The following CZIB variants were observed in gnomAD, a reference collection of about 807,000 sequenced individuals.
CZIB encodes the protein UPF0587 protein C1orf123.
Under a neutral mutation model 28.3 loss-of-function variants are expected in CZIB, and 26 were observed. The ratio of observed to expected loss-of-function variants is 0.92; its 90% CI spans 0.67 to 1.27. The LOEUF (loss-of-function observed/expected upper bound fraction) is 1.27, where lower values mean the gene tolerates loss of function less well. Ranked by LOEUF, CZIB falls within the 50% of genes most tolerant of loss-of-function variation. The pLI, the probability that CZIB is intolerant of heterozygous loss-of-function variation, is 0.00. For synonymous variants in CZIB, 78 were observed against 71.1 expected (o/e 1.10, Z -0.49); for missense variants, 179 against 197.3 (o/e 0.91, Z 0.56).
At position 53,216,060 on chromosome 1, in the gene CZIB, C is replaced by A. The variant is rs376884421; in HGVS notation, c.340-4G>T. The A allele has an allele frequency of 1.3e-4, 202 of 1,613,918 alleles. No homozygotes were observed. The highest frequency in any genetic ancestry group is 1.6e-4 in the Non-Finnish European group (184 of 1,179,928). On this transcript the variant is annotated splice_region_variant and splice_polypyrimidine_tract_variant and intron_variant, in intron 6 of 7. Coordinates refer to ENST00000294360, the MANE Select transcript of CZIB (RefSeq NM_017887.3). ...CACCTTCAGCAGCAAACCCAGCCTG[C>A]AGGGCACAAGAAGGTACCAGTTAGT...
rs565115395 is a variant in CZIB, at chr1:53,216,380, A to C, written c.340-324T>G. Among the ~76,000 whole-genome samples, 6 of 152,300 alleles carry C rather than the reference A, an allele frequency of 3.9e-5. No homozygotes were observed. In the East Asian group the frequency reaches 1.2e-3, roughly 29 times the overall value. ...TTAGTTATTGATAAAACGGGGATGA[A>C]GTATTTGCTCTTCTGCCTACCTCAC... On this transcript the variant is annotated intron_variant, in intron 6 of 7. Coordinates refer to ENST00000294360, the MANE Select transcript of CZIB (RefSeq NM_017887.3).
At chr1:53,216,434 A>C (rs17369394) in intron 6 of CZIB, among the ~76,000 whole-genome samples, 38,873 of 152,074 alleles carry the variant, frequency 0.26, 6,069 homozygotes, top group East Asian at 0.47. Flanking sequence ...AACATGCACA[A>C]ATAAAGGGGG....
At position 53,220,301 on chromosome 1, in the gene CZIB, T is replaced by C; in HGVS notation, c.50A>G (p.Asn17Ser). 1 of 1,613,252 alleles carries C rather than the reference T, an allele frequency of 6.2e-7. No homozygotes were observed. Among genetic ancestry groups the C allele is most frequent in the South Asian group, 1.1e-5 (1 of 91,060 alleles). The change falls in exon 2 of 8, where the codon AAC (asparagine) becomes AGC (serine). Residue 17 changes from asparagine to serine, a missense_variant. Transcript: ENST00000294360. Reference sequence around the variant, plus strand: ...GAAGTCCTCGCCCACGGGCCGGAGGTTGGTGATGTTCTCCAGCGTGGCTTT... The same window carrying C: ...GAAGTCCTCGCCCACGGGCCGGAGGCTGGTGATGTTCTCCAGCGTGGCTTT... ...QLKATLENIT[N>S]LRPVGEDFRW...
At chr1:53,215,291 C>T (rs1012452336) in intron 7 of CZIB, among the ~76,000 whole-genome samples, 3 of 152,104 alleles carry the variant, frequency 2.0e-5, no homozygotes, top group Non-Finnish European at 2.9e-5. Context: ...AGTGAGCTGA[C>T]ATTGCACCAC....
rs776233308 is a variant in CZIB at position 53,218,821 on chromosome 1, TGTGTTTGTGA to T, written c.147+36_147+45del. ...CCAAATCCCTGCCCAGAAGTGTATGTGTGTTTGTGAGTGTTTATGTTGGGGGTTGGGCGGG... is the reference window on the plus strand; with the variant it reads ...CCAAATCCCTGCCCAGAAGTGTATGTGTGTTTATGTTGGGGGTTGGGCGGG... On this transcript the variant is annotated intron_variant, in intron 3 of 7. Transcript: ENST00000294360. 4.0e-6 allele frequency: 6 copies of T among 1,513,840 alleles called. No individual in the cohort carries two copies. The South Asian group carries it at 6.8e-5, about 17-fold the overall frequency. The allele number at this position is 1,513,840 out of a possible 1,614,324, so 93.8% of individuals were successfully genotyped here.
chr1:53,218,268 C>T (rs1645486881), intron 4 of CZIB, 65 bp from the exon 5 acceptor site: 1 of 1,595,552 alleles, frequency 6.3e-7, no homozygotes, highest in Admixed American at 1.7e-5. Flanking sequence ...CAGGTGCCCA[C>T]ATGTGGCCCT....
Position 53,214,712 on chromosome 1 carries a change from C to A in CZIB, c.430G>T (p.Ala144Ser). The A allele has an allele frequency of 1.2e-6, 2 of 1,614,034 alleles. No homozygotes were observed. The change falls in exon 8 of 8, where the codon GCC becomes TCC. Residue 144 changes from alanine (A) to serine (S), a missense_variant. Coordinates refer to ENST00000294360, the MANE Select transcript of CZIB (RefSeq NM_017887.3). ...EKDWTDYDEK[A>S]QESVGIYEVT... ...TCATAGATTCCCACAGACTCCTGGG[C>A]CTTTTCATCATAGTCAGTCCAGTCC...
chr1:53,220,347 G>T lies in CZIB; in HGVS notation c.7-3C>A, dbSNP rs1437277945. ...GCTTTGAGTTGCAGCGCGATTTTCT[G>T]AGGGGGAGGGCCAGAGCGACTGCGT... On this transcript the variant is annotated splice_region_variant and splice_polypyrimidine_tract_variant and intron_variant, in intron 1 of 7. Coordinates refer to ENST00000294360, the MANE Select transcript of CZIB (RefSeq NM_017887.3). 1.2e-6 allele frequency: 2 copies of T among 1,612,090 alleles called. No homozygotes were observed. The highest frequency in any genetic ancestry group is 3.3e-5 in the Admixed American group (2 of 60,002).
chr1:53,220,593 G>A lies in CZIB; in HGVS notation c.-18C>T, dbSNP rs201250319. ...ACCCCCATGGTAGCCCTCTCCGCCC[G>A]GTGCTGGCTGCGGCCCTTGCCGTTG... is the stretch of plus-strand genomic sequence containing the variant. On this transcript the variant is annotated 5_prime_UTR_variant, in exon 1 of 8. Coordinates refer to ENST00000294360, the MANE Select transcript of CZIB (RefSeq NM_017887.3). 1.9e-4 allele frequency: 305 copies of A among 1,596,482 alleles called. No individual in the cohort carries two copies. The African/African-American group carries it at 3.8e-3, about 20-fold the overall frequency.
chr1:53,220,026 C>A, intron 2 of CZIB: 1 of 515,612 alleles, frequency 1.9e-6, no homozygotes, highest in Non-Finnish European at 3.4e-6. Context: ...TGTCCATTTA[C>A]AGACCACGAA....
chr1:53,217,176 T>C, intron 5 of CZIB: 1 of 277,534 alleles, frequency 3.6e-6, no homozygotes. Context: ...AGGAAACCTC[T>C]ACAATTTTAC....
At chr1:53,220,175 T>C in intron 2 of CZIB, 86 bp downstream of exon 2, 1 of 1,217,714 alleles carries the variant, frequency 8.2e-7, no homozygotes. Context: ...TGGTTAAATA[T>C]TTTCTCATAC....
chr1:53,219,147 G>A, intron 2 of CZIB: 1 of 552,314 alleles, frequency 1.8e-6, no homozygotes, highest in South Asian at 2.2e-5. Context: ...CCTCTATGAA[G>A]TGCTCAGTGT....
chr1:53,215,852 G>A (rs1160935935), intron 7 of CZIB, 139 bp downstream of exon 7: 4 of 791,316 alleles, frequency 5.1e-6, no homozygotes, highest in Non-Finnish European at 8.7e-6. Flanking sequence ...CACTATACCT[G>A]TGGCCATTTC....
At chr1:53,220,508 G>A (rs1296138880) in intron 1 of CZIB, 62 bp downstream of exon 1, 29 of 1,599,448 alleles carry the variant, frequency 1.8e-5, no homozygotes, top group Admixed American at 3.3e-5. Flanking sequence ...GGCGCGAGCT[G>A]TTGCCTCCCA....
intron 7 of CZIB, among the ~76,000 whole-genome samples, chr1:53,215,318 C>T (rs1456014145): frequency 3.3e-5 from 5 of 152,074 alleles, no homozygotes; most frequent in Non-Finnish European, 5.9e-5. Context: ...CCAGCCTGGG[C>T]GACAGAGTGA....
chr1:53,220,447 CCTT>C lies in CZIB; in HGVS notation c.7-106_7-104del, dbSNP rs549996186. 1,440 of 1,567,374 alleles carry C rather than the reference CCTT, an allele frequency of 9.2e-4. 10 individuals carry two copies. In the African/African-American group the frequency reaches 0.012, roughly 13 times the overall value. On this transcript the variant is annotated intron_variant, in intron 1 of 7. Coordinates refer to ENST00000294360, the MANE Select transcript of CZIB (RefSeq NM_017887.3). ...GCCGTGGGTGCCACAGGGAGACACT[CCTT>C]CTGCCTCCTGCTCCTTCAGCGCGCA...
intron 2 of CZIB, chr1:53,220,051 G>A (rs964631528): frequency 2.0e-5 from 11 of 556,038 alleles, no homozygotes; most frequent in Non-Finnish European, 3.2e-5. Flanking sequence ...TTAACACAGG[G>A]AAGAACTACA....
Position 53,220,582 on chromosome 1 carries a change from C to G in CZIB, c.-7G>C. On this transcript the variant is annotated 5_prime_UTR_variant, in exon 1 of 8. Transcript: ENST00000294360. ...GGCCTCCCCTCACCCCCATGGTAGC[C>G]CTCTCCGCCCGGTGCTGGCTGCGGC... 1 of 1,598,060 alleles carries G rather than the reference C, an allele frequency of 6.3e-7. No individual in the cohort carries two copies. The highest frequency in any genetic ancestry group is 1.1e-5 in the South Asian group (1 of 90,876).
Sources: allele counts gnomAD v4.1 joint callset (sites outside exome capture counted in the v4.1 genomes callset), GRCh38; gene constraint gnomAD v4.1.1; transcripts MANE v1.5; gene names NCBI Gene and HGNC (gene_info 2026-07-23, HGNC 2026-07-21).